FMN2: variants seen among roughly 807,000 people sequenced by gnomAD.
FMN2 encodes the protein formin-2.
A neutral mutation model predicts 142.3 loss-of-function variants in FMN2; 51 were observed. That is an observed-to-expected ratio of 0.36 (90% CI 0.29 to 0.45). The LOEUF (loss-of-function observed/expected upper bound fraction) is 0.45, where lower values mean the gene tolerates loss of function less well. Among genes scored for constraint, FMN2 ranks in the 20% least tolerant of loss-of-function variants. The probability of loss-of-function intolerance (pLI) is 1.00; values close to 1 mark genes in which losing one functional copy is unlikely to be tolerated. For synonymous variants in FMN2, 882 were observed against 869.8 expected (o/e 1.01, Z -0.25); for missense variants, 1,936 against 2,122.8 (o/e 0.91, Z 1.73).
At chr1:240,275,499 C>A (rs1669173251) in intron 7 of FMN2, among the ~76,000 whole-genome samples, 1 of 151,816 alleles carries the variant, frequency 6.6e-6, no homozygotes, top group Middle Eastern at 3.2e-3. Context: ...CATTGATGGG[C>A]ATTTGGGTTG....
At chr1:240,336,553 C>CA (rs552135436) in intron 13 of FMN2, among the ~76,000 whole-genome samples, 1,006 of 50,420 alleles carry the variant, frequency 0.02, 91 homozygotes, top group East Asian at 0.054. Flanking sequence ...TGGTATTCTC[C>CA]AAAAAAAAAA....
chr1:240,250,653 G>A (rs778786117), intron 6 of FMN2, among the ~76,000 whole-genome samples: 4 of 151,986 alleles, frequency 2.6e-5, no homozygotes, highest in Admixed American at 6.6e-5. Flanking sequence ...GGTGGGAAGA[G>A]TTTGAGGAAA....
chr1:240,391,029 A>G (rs1372549368), intron 14 of FMN2, among the ~76,000 whole-genome samples: 2 of 152,232 alleles, frequency 1.3e-5, no homozygotes, highest in South Asian at 2.1e-4. Context: ...GAAGCAAATC[A>G]TCTTTTATGC....
intron 15 of FMN2, among the ~76,000 whole-genome samples, chr1:240,427,449 C>A (rs1260009224): frequency 2.6e-5 from 4 of 152,128 alleles, no homozygotes; most frequent in Non-Finnish European, 4.4e-5. Context: ...TTGTGATCTG[C>A]CCGCCTCGGC....
At chr1:240,286,140 T>G (rs546088795) in intron 7 of FMN2, among the ~76,000 whole-genome samples, 1 of 152,200 alleles carries the variant, frequency 6.6e-6, no homozygotes, top group South Asian at 2.1e-4. Flanking sequence ...TCCTGGAGAC[T>G]TCCCATTTCT....
At chr1:240,339,340 T>G (rs1016417166) in intron 13 of FMN2, among the ~76,000 whole-genome samples, 3 of 108,246 alleles carry the variant, frequency 2.8e-5, no homozygotes, top group Non-Finnish European at 3.4e-5. Context: ...TATTTTATTA[T>G]TTTTTTTTAA....
chr1:240,232,385 C>T (rs1269137512), intron 6 of FMN2, among the ~76,000 whole-genome samples: 2 of 151,980 alleles, frequency 1.3e-5, no homozygotes, highest in African/African-American at 2.4e-5. Flanking sequence ...CCACTGCACT[C>T]AGCCTCTTTT....
At chr1:240,123,529 A>G (rs942596409) in intron 2 of FMN2, among the ~76,000 whole-genome samples, 184 bp downstream of exon 2, 2 of 151,710 alleles carry the variant, frequency 1.3e-5, no homozygotes, top group Non-Finnish European at 2.9e-5. Flanking sequence ...AAAAGAAAGA[A>G]AAAAAACTAG....
chr1:240,253,041 C>G (rs985465313), intron 6 of FMN2, among the ~76,000 whole-genome samples: 2 of 141,318 alleles, frequency 1.4e-5, no homozygotes, highest in African/African-American at 5.2e-5. Flanking sequence ...CAACCTCTGA[C>G]TCCCTGGTTC....
At chr1:240,433,956 G>T (rs1675267775) in intron 15 of FMN2, among the ~76,000 whole-genome samples, 1 of 152,130 alleles carries the variant, frequency 6.6e-6, no homozygotes, top group Non-Finnish European at 1.5e-5. Flanking sequence ...ATTCCGAAAT[G>T]GTCCTGCTTC....
chr1:240,357,764 C>G (rs530863405), intron 14 of FMN2, among the ~76,000 whole-genome samples: 1 of 152,010 alleles, frequency 6.6e-6, no homozygotes, highest in African/African-American at 2.4e-5. Context: ...CCCGCCACCA[C>G]GCCCGGCTAA....
intron 15 of FMN2, among the ~76,000 whole-genome samples, chr1:240,408,323 A>C (rs1220107301): frequency 6.6e-6 from 1 of 152,236 alleles, no homozygotes; most frequent in Non-Finnish European, 1.5e-5. Flanking sequence ...TCTAAGTCTT[A>C]AGTAGATTCT....
intron 14 of FMN2, among the ~76,000 whole-genome samples, chr1:240,390,769 A>G (rs1342669427): frequency 2.2e-4 from 33 of 152,338 alleles, no homozygotes; most frequent in Non-Finnish European, 1.0e-4. Flanking sequence ...AAAATCAGGA[A>G]TCGAATACAG....
At chr1:240,190,229 T>G (rs913097681) in intron 4 of FMN2, among the ~76,000 whole-genome samples, 5 of 152,238 alleles carry the variant, frequency 3.3e-5, no homozygotes, top group African/African-American at 9.6e-5. Context: ...ATAGATTGAA[T>G]AAATGTTACA....
intron 1 of FMN2, among the ~76,000 whole-genome samples, chr1:240,095,187 AG>A (rs1282202583): frequency 2.0e-5 from 3 of 152,230 alleles, no homozygotes. Flanking sequence ...AATGTTGGTA[AG>A]AAATCACATA....
At chr1:240,274,239 G>A (rs187822185) in intron 7 of FMN2, among the ~76,000 whole-genome samples, 1 of 150,584 alleles carries the variant, frequency 6.6e-6, no homozygotes, top group African/African-American at 2.5e-5. Context: ...AAAAAAAAGA[G>A]AGAGTGGAAA....
chr1:240,292,624 A>T (rs1290273747), intron 7 of FMN2, among the ~76,000 whole-genome samples: 1 of 152,182 alleles, frequency 6.6e-6, no homozygotes, highest in Non-Finnish European at 1.5e-5. Context: ...CATTGACCAA[A>T]TCACAGATTT....
intron 7 of FMN2, among the ~76,000 whole-genome samples, chr1:240,280,698 C>T (rs1398897010): frequency 1.3e-5 from 2 of 152,068 alleles, no homozygotes; most frequent in African/African-American, 2.4e-5. Flanking sequence ...AAGTACAGTG[C>T]GTTGTTTGAA....
At chr1:240,434,260 G>C (rs1675278042) in intron 15 of FMN2, among the ~76,000 whole-genome samples, 1 of 152,206 alleles carries the variant, frequency 6.6e-6, no homozygotes. Context: ...AAGGTCCTAG[G>C]TAAGATGTCT....
Sources: gnomAD v4.1 joint callset for allele counts (sites outside exome capture counted in the v4.1 genomes callset) on GRCh38, gnomAD v4.1.1 for gene constraint, MANE v1.5 for transcripts, NCBI Gene and HGNC (gene_info 2026-07-23, HGNC 2026-07-21) for gene names.